The following ARVCF variants were observed in gnomAD, a reference collection of about 807,000 sequenced individuals.
The protein encoded by ARVCF is ARVCF delta catenin family member.
Under a neutral mutation model 90.9 loss-of-function variants are expected in ARVCF, and 66 were observed. The ratio of observed to expected loss-of-function variants is 0.73; its 90% CI spans 0.60 to 0.89. The LOEUF is 0.89. ARVCF is among the 40% of genes least tolerant of loss of function. The pLI is 0.00. For synonymous variants in ARVCF, 653 were observed against 603.4 expected, an observed-to-expected ratio of 1.08 and a Z score of -1.21; for missense variants, 1,469 against 1,382.3, an observed-to-expected ratio of 1.06 and a Z score of -1.00.
intron 14 of ARVCF, 30 bp from the exon 15 acceptor site, chr22:19,973,066 G>GC (rs1942922686): frequency 1.9e-6 from 3 of 1,604,270 alleles, no homozygotes; most frequent in Non-Finnish European, 2.6e-6. Context: ...GTCAGTGGTG[G>GC]CCCCTCCCCC....
chr22:19,989,068 G>A (rs1393818310), intron 3 of ARVCF, among the ~76,000 whole-genome samples: 3 of 152,186 alleles, frequency 2.0e-5, no homozygotes, highest in Admixed American at 1.3e-4. Context: ...GCACACTGGC[G>A]CCTGAGAGGC....
intron 9 of ARVCF, 35 bp from the exon 10 acceptor site, chr22:19,976,758 G>C (rs201163705): frequency 1.9e-6 from 3 of 1,555,964 alleles, no homozygotes; most frequent in Admixed American, 2.0e-5. Context: ...AGAGAGGAGA[G>C]GAGCCTGAAC....
chr22:19,969,871 G>C, downstream of ARVCF: 1 of 985,466 alleles, frequency 1.0e-6, no homozygotes, highest in Non-Finnish European at 1.2e-6. Flanking sequence ...ACTTGTGCCA[G>C]ACCTGAGTGG....
chr22:19,971,876 G>T lies in ARVCF; in HGVS notation c.2781+10C>A. ...ACCGGGGACCTGCCCACAGCCACAT[G>T]ACCACTTACTTTCAAGGGTTCCTTC... On this transcript the variant is annotated intron_variant, in intron 18 of 19. Coordinates refer to ENST00000263207, the MANE Select transcript of ARVCF (RefSeq NM_001670.3). 6.2e-7 allele frequency: 1 copy of T among 1,613,150 alleles called. No individual in the cohort carries two copies. The highest frequency in any genetic ancestry group is 1.1e-5 in the South Asian group (1 of 91,044).
At chr22:19,998,209 G>A (rs1944322953) in intron 2 of ARVCF, among the ~76,000 whole-genome samples, 1 of 152,210 alleles carries the variant, frequency 6.6e-6, no homozygotes, top group Admixed American at 6.5e-5. Flanking sequence ...ACCAGCCTGA[G>A]TGCACAGGGC....
intron 6 of ARVCF, 133 bp downstream of exon 6, chr22:19,979,610 G>A (rs574971837): frequency 2.0e-5 from 27 of 1,339,018 alleles, no homozygotes; most frequent in East Asian, 1.3e-4. Flanking sequence ...TGGGGCAAGC[G>A]TCTCAGCAGC....
chr22:20,015,022 C>A (rs1213603886), intron 1 of ARVCF, among the ~76,000 whole-genome samples: 1 of 152,156 alleles, frequency 6.6e-6, no homozygotes, highest in Admixed American at 6.5e-5. Flanking sequence ...ACATGGGAGC[C>A]AAGCAGCCCA....
Position 19,979,681 on chromosome 22 carries a change from C to T in ARVCF, c.1396+62G>A. On this transcript the variant is annotated intron_variant, in intron 6 of 19. Transcript: ENST00000263207. ...CGCAGGCCGAGTGGCCTCGTTCCTC[C>T]CGGGTTGAGCCTCACACTCTTCTCT... 3 of 1,508,568 alleles carry T rather than the reference C, an allele frequency of 2.0e-6. No individual in the cohort carries two copies. In the South Asian group the frequency reaches 3.9e-5, roughly 20 times the overall value. 93.4% of individuals were successfully genotyped at this position (1,508,568 alleles called of 1,614,324 possible). A position where few individuals can be genotyped will look rare whatever the true frequency, so the allele number is the denominator to read the frequency against.
chr22:19,973,793 A>T lies in ARVCF; in HGVS notation c.2089T>A (p.Trp697Arg). 6.2e-7 allele frequency: 1 copy of T among 1,603,090 alleles called. No homozygotes were observed. Among genetic ancestry groups the T allele is most frequent in the Middle Eastern group, 1.7e-4 (1 of 6,044 alleles). Residue 697 changes from tryptophan (W) to arginine (R), a missense_variant and splice_region_variant, in exon 13 of 20, where the codon TGG becomes AGG. Coordinates refer to ENST00000263207, the MANE Select transcript of ARVCF (RefSeq NM_001670.3). ...ACTGTGGCGCGGATGTACGTGGCCC[A>T]CTGCGGAGGCGGGGAGAGGGTTGCT... ...LQNLSAGNWM[W>R]ATYIRATVRK...
Position 19,976,714 on chromosome 22 carries a change from A to C in ARVCF, c.1880T>G (p.Phe627Cys), listed in dbSNP as rs1424327859. Residue 627 changes from phenylalanine (F) to cysteine (C), a missense_variant, in exon 10 of 20, where the codon TTC becomes TGC. Transcript: ENST00000263207. ...GATAAAAAGGGACTCACCTTGGTGG[A>C]ACCACTCCTCTGGGAGGCCGGAGGA... Reference protein sequence around the residue: ...FGGKKAKEEWFHQGKKDGEMD... With the variant: ...FGGKKAKEEWCHQGKKDGEMD... 1.3e-6 allele frequency: 2 copies of C among 1,560,538 alleles called. No individual in the cohort carries two copies. Among genetic ancestry groups the C allele is most frequent in the South Asian group, 2.4e-5 (2 of 84,688 alleles).
chr22:20,012,501 C>T (rs1320994943), intron 1 of ARVCF, among the ~76,000 whole-genome samples: 1 of 152,262 alleles, frequency 6.6e-6, no homozygotes, highest in Non-Finnish European at 1.5e-5. Context: ...AGGTGCTCAC[C>T]TTGGGGAGCC....
chr22:19,973,078 CCTCCGCGG>C (rs752466309), intron 14 of ARVCF, 33 bp downstream of exon 14: 79 of 1,606,122 alleles, frequency 4.9e-5, no homozygotes, highest in Admixed American at 3.4e-4. Context: ...CCCTCCCCCA[CCTCCGCGG>C]CTCCCCAAGC....
chr22:19,977,686 C>T (rs373814022), intron 8 of ARVCF, 100 bp from the exon 9 acceptor site: 12 of 1,431,934 alleles, frequency 8.4e-6, no homozygotes, highest in African/African-American at 1.4e-5. Context: ...GCACCGGGAG[C>T]AAAGGAACAG....
chr22:19,967,366 C>T (rs202017586), downstream of ARVCF: 59 of 510,436 alleles, frequency 1.2e-4, no homozygotes, highest in African/African-American at 9.5e-4. Context: ...CTTTGTTCTA[C>T]GTCTTTTCAG....
rs558991797 is a variant in ARVCF at position 19,976,935 on chromosome 22, G to A, written c.1871-212C>T. On this transcript the variant is annotated intron_variant, in intron 9 of 19. Coordinates refer to ENST00000263207, the MANE Select transcript of ARVCF (RefSeq NM_001670.3). The stretch of plus-strand genomic sequence containing the variant: ...GCCTGGGGTCAGTGGGGCAGGGGCA[G>A]GTGGCGTACAGGTCCCCCACAGCTG... Among the ~76,000 whole-genome samples, 59 of 152,316 alleles carry A rather than the reference G, an allele frequency of 3.9e-4. 1 individual carries two copies. The highest frequency in any genetic ancestry group is 1.2e-3 in the South Asian group (6 of 4,832).
At chr22:20,008,641 G>T (rs1360848279) in intron 2 of ARVCF, among the ~76,000 whole-genome samples, 2 of 152,182 alleles carry the variant, frequency 1.3e-5, no homozygotes, top group East Asian at 3.9e-4. Flanking sequence ...GAGCCCTGAG[G>T]CTCCCTCCCC....
chr22:19,972,738 A>T lies in ARVCF; in HGVS notation c.2640T>A (p.Leu880=), dbSNP rs1461014677. The T allele has an allele frequency of 1.2e-6, 2 of 1,609,096 alleles. No individual in the cohort carries two copies. The highest frequency in any genetic ancestry group is 3.4e-5 in the Admixed American group (2 of 59,652). Residue 880 remains leucine, a splice_region_variant and synonymous_variant, in exon 16 of 20, where the codon CTT becomes CTA. Coordinates refer to ENST00000263207, the MANE Select transcript of ARVCF (RefSeq NM_001670.3). Reference sequence around the variant, plus strand: ...GGCTCCCTAAGCTCCACCACTCACCAAGGCTCTTGTCCACCAGTGGCAGCG... The same window carrying T: ...GGCTCCCTAAGCTCCACCACTCACCTAGGCTCTTGTCCACCAGTGGCAGCG... The part of the protein sequence containing the change: ...DSTLPLVDKS[L]EGEKTGSRDV...
downstream of ARVCF, chr22:19,967,167 C>G (rs900278707): frequency 2.3e-6 from 3 of 1,303,884 alleles, no homozygotes; most frequent in Non-Finnish European, 1.0e-6. Context: ...CGTGCAGGTG[C>G]AGTGGTCTGG....
At position 19,981,618 on chromosome 22, in the gene ARVCF, C is replaced by T. The variant is rs1166886920; in HGVS notation, c.489G>A (p.Leu163=). The change falls in exon 5 of 20, where the codon CTG becomes CTA. Residue 163 remains leucine (L), a synonymous_variant. Coordinates refer to ENST00000263207, the MANE Select transcript of ARVCF (RefSeq NM_001670.3). The stretch of plus-strand genomic sequence containing the variant: ...CACCACGCAGCAGGAAATGCCGGTC[C>T]AGGGCACCATCTGCAAAAGGGCCTA... ...PPLGPFADGA[L]DRHFLLRGGG... is the part of the protein sequence containing the mutation. The T allele has an allele frequency of 2.5e-6, 4 of 1,608,276 alleles. No individual in the cohort carries two copies. Among genetic ancestry groups the T allele is most frequent in the South Asian group, 1.1e-5 (1 of 91,002 alleles).
Sources: allele counts gnomAD v4.1 joint callset (sites outside exome capture counted in the v4.1 genomes callset), GRCh38; gene constraint gnomAD v4.1.1; transcripts MANE v1.5; gene names NCBI Gene and HGNC (gene_info 2026-07-23, HGNC 2026-07-21).